Variants in LAMA3 observed in about 807,000 individuals in gnomAD.
The protein encoded by LAMA3 is laminin subunit alpha 3, also known as laminin subunit alpha-3.
Under a neutral mutation model 402.0 loss-of-function variants are expected in LAMA3, and 281 were observed. The ratio of observed to expected loss-of-function variants is 0.70; its 90% CI spans 0.63 to 0.77. The LOEUF is 0.77. Among genes scored for constraint, LAMA3 ranks in the 30% least tolerant of loss-of-function variants. The pLI, the probability that LAMA3 is intolerant of heterozygous loss-of-function variation, is 0.00. For missense variants in LAMA3, 3,840 were observed against 4,215.5 expected, an observed-to-expected ratio of 0.91 and a Z score of 2.47; for synonymous variants, 1,431 against 1,558.4, an observed-to-expected ratio of 0.92 and a Z score of 1.93.
intron 29 of LAMA3, among the ~76,000 whole-genome samples, chr18:23,843,980 C>A (rs2063759766): frequency 6.6e-6 from 1 of 152,182 alleles, no homozygotes; most frequent in Non-Finnish European, 1.5e-5. Flanking sequence ...TTCTGCAAAG[C>A]CCTCCAGGAA....
chr18:23,942,590 T>G (rs1045361156), intron 68 of LAMA3, among the ~76,000 whole-genome samples: 1 of 151,930 alleles, frequency 6.6e-6, no homozygotes, highest in Admixed American at 6.5e-5. Flanking sequence ...CTTTTTTTTT[T>G]TTTTTTTTAG....
chr18:23,728,261 G>A (rs779469492), intron 2 of LAMA3, among the ~76,000 whole-genome samples: 2 of 152,166 alleles, frequency 1.3e-5, no homozygotes, highest in Non-Finnish European at 2.9e-5. Context: ...ACCCAGGCTG[G>A]TGACCTTCCT....
At chr18:23,904,724 A>G (rs370284722) in intron 51 of LAMA3, 30 bp downstream of exon 51, 3 of 1,611,812 alleles carry the variant, frequency 1.9e-6, no homozygotes, top group Non-Finnish European at 2.5e-6. Flanking sequence ...GCTTCTCCAC[A>G]TTCGCTGTGG....
intron 48 of LAMA3, 107 bp downstream of exon 48, chr18:23,901,430 A>T (rs1264390435): frequency 1.2e-6 from 1 of 859,854 alleles, no homozygotes; most frequent in East Asian, 2.6e-5. Context: ...TGTACATCTC[A>T]TTATACCACC....
At chr18:23,932,061 C>T in intron 65 of LAMA3, 99 bp from the exon 66 acceptor site, 1 of 1,403,642 alleles carries the variant, frequency 7.1e-7, no homozygotes, top group Non-Finnish European at 1.0e-6. Flanking sequence ...TTTTAGATAA[C>T]AAATATTGAA....
chr18:23,800,571 T>C (rs968100808), intron 12 of LAMA3, among the ~76,000 whole-genome samples: 2 of 152,202 alleles, frequency 1.3e-5, no homozygotes, highest in Non-Finnish European at 2.9e-5. Context: ...TTTTTGAAAG[T>C]ATACACTAAA....
At chr18:23,802,090 G>T (rs185158270) in intron 12 of LAMA3, among the ~76,000 whole-genome samples, 66 of 152,228 alleles carry the variant, frequency 4.3e-4, no homozygotes, top group African/African-American at 1.5e-3. Context: ...AAATGCTCCC[G>T]CATCCAGAAC....
chr18:23,906,909 C>T (rs1464503964), intron 52 of LAMA3, among the ~76,000 whole-genome samples: 1 of 152,198 alleles, frequency 6.6e-6, no homozygotes, highest in Non-Finnish European at 1.5e-5. Context: ...AAAGCATTTG[C>T]TGGTCATTTT....
rs374728471 is a variant in LAMA3 at position 23,815,397 on chromosome 18, G to A, written c.1942-71G>A. 39 of 1,443,606 alleles carry A rather than the reference G, an allele frequency of 2.7e-5. No individual in the cohort carries two copies. In the African/African-American group the frequency reaches 4.0e-4, roughly 15 times the overall value. 89.4% of individuals were successfully genotyped at this position (1,443,606 alleles called of 1,614,324 possible). On this transcript the variant is annotated intron_variant, in intron 16 of 74. Transcript: ENST00000313654. ...CTGCTTCCTATTATACAGTGAGGCA[G>A]TTTTCAATCTTGAAGATTAGTGAAT...
chr18:23,783,986 A>G (rs1447928623), intron 11 of LAMA3, 37 bp from the exon 12 acceptor site: 7 of 1,613,298 alleles, frequency 4.3e-6, no homozygotes, highest in Non-Finnish European at 5.1e-6. Flanking sequence ...GTGATGGAAG[A>G]TGGAGACCCC....
intron 8 of LAMA3, among the ~76,000 whole-genome samples, chr18:23,764,956 G>A (rs1218953296): frequency 6.6e-6 from 1 of 152,066 alleles, no homozygotes; most frequent in East Asian, 1.9e-4. Flanking sequence ...GTGTTCATAT[G>A]ATAAACTATG....
chr18:23,917,929 G>T (rs368690794), intron 60 of LAMA3, among the ~76,000 whole-genome samples: 41 of 152,100 alleles, frequency 2.7e-4, no homozygotes, highest in South Asian at 1.9e-3. Context: ...TCTTTATCAT[G>T]AAATCTTTGC....
chr18:23,846,280 T>A lies in LAMA3; in HGVS notation c.3720-17T>A. On this transcript the variant is annotated splice_polypyrimidine_tract_variant and intron_variant, in intron 30 of 74. Transcript: ENST00000313654. ...CACCTCCCCAGGCATCACCATGAGTTGTTTCTGTCTCCACAGCCCCCAGAC... is the reference window on the plus strand; with the variant it reads ...CACCTCCCCAGGCATCACCATGAGTAGTTTCTGTCTCCACAGCCCCCAGAC... The A allele has an allele frequency of 6.2e-7, 1 of 1,613,746 alleles. No homozygotes were observed. The highest frequency in any genetic ancestry group is 8.5e-7 in the Non-Finnish European group (1 of 1,179,650).
chr18:23,794,699 A>G (rs2062728747), intron 12 of LAMA3, among the ~76,000 whole-genome samples: 1 of 152,198 alleles, frequency 6.6e-6, no homozygotes, highest in Non-Finnish European at 1.5e-5. Context: ...ACTACGTGAA[A>G]TTGAAAAGGG....
intron 12 of LAMA3, among the ~76,000 whole-genome samples, chr18:23,784,812 C>G (rs899977709): frequency 6.6e-6 from 1 of 152,192 alleles, no homozygotes; most frequent in Non-Finnish European, 1.5e-5. Context: ...CTCCTTTCTA[C>G]TGTCTGACAT....
chr18:23,710,368 T>G (rs779424866), intron 1 of LAMA3: 9 of 333,714 alleles, frequency 2.7e-5, no homozygotes, highest in Non-Finnish European at 4.6e-5. Context: ...GGTTATCTTC[T>G]CTCAAAACCT....
At chr18:23,717,719 AATTTTTTTTTTTTT>A (rs2061132793) in intron 2 of LAMA3, among the ~76,000 whole-genome samples, 1 of 116,804 alleles carries the variant, frequency 8.6e-6, no homozygotes, top group African/African-American at 3.9e-5. Flanking sequence ...TGCCTGGCTA[AATTTTTTTTTTTTT>A]TTTTTTTTTT....
intron 11 of LAMA3, among the ~76,000 whole-genome samples, chr18:23,781,027 A>G (rs568718713): frequency 1.6e-4 from 24 of 152,354 alleles, no homozygotes; most frequent in East Asian, 1.3e-3. Flanking sequence ...GAACTCTGGC[A>G]GTAGAGACGG....
At chr18:23,735,016 G>A (rs1016870359) in intron 2 of LAMA3, among the ~76,000 whole-genome samples, 2 of 152,282 alleles carry the variant, frequency 1.3e-5, no homozygotes, top group South Asian at 2.1e-4. Flanking sequence ...CCAGTGAGGC[G>A]GTTAATATAC....
Sources: gnomAD v4.1 joint callset for allele counts (sites outside exome capture counted in the v4.1 genomes callset) on GRCh38, gnomAD v4.1.1 for gene constraint, MANE v1.5 for transcripts, NCBI Gene and HGNC (gene_info 2026-07-23, HGNC 2026-07-21) for gene names.